The following PDE1C variants were observed in gnomAD, a reference collection of about 807,000 sequenced individuals.
PDE1C encodes the protein phosphodiesterase 1C, also known as dual specificity calcium/calmodulin-dependent 3',5'-cyclic nucleotide phosphodiesterase 1C.
A neutral mutation model predicts 93.1 loss-of-function variants in PDE1C; 62 were observed. The ratio of observed to expected loss-of-function variants is 0.67; its 90% CI spans 0.54 to 0.82. PDE1C has a LOEUF of 0.82. Among genes scored for constraint, PDE1C ranks in the 40% least tolerant of loss-of-function variants. PDE1C has a pLI of 0.00. For synonymous variants in PDE1C, 325 were observed against 310.1 expected, an observed-to-expected ratio of 1.05 and a Z score of -0.50; for missense variants, 742 against 884.6, an observed-to-expected ratio of 0.84 and a Z score of 2.04.
chr7:31,659,911 G>T, the PDE1C span, among the ~76,000 whole-genome samples: 4 of 152,112 alleles, frequency 2.6e-5, no homozygotes, highest in African/African-American at 9.7e-5. Context: ...TTGAATTGTA[G>T]TTCCCATAAT....
At chr7:31,666,173 G>A in the PDE1C span, among the ~76,000 whole-genome samples, 5 of 152,204 alleles carry the variant, frequency 3.3e-5, no homozygotes, top group African/African-American at 1.2e-4. Flanking sequence ...GATGTTAGCT[G>A]TAGAAACCTG....
intron 1 of PDE1C, among the ~76,000 whole-genome samples, chr7:32,408,651 T>A (rs900955079): frequency 3.0e-4 from 45 of 152,110 alleles, no homozygotes; most frequent in African/African-American, 1.1e-3. Context: ...TAGCCAGGCA[T>A]GGTAGTGGGT....
chr7:32,402,545 G>GC (rs1444455264), intron 1 of PDE1C, among the ~76,000 whole-genome samples: 2 of 152,088 alleles, frequency 1.3e-5, no homozygotes, highest in Non-Finnish European at 2.9e-5. Context: ...ACTGGACGAT[G>GC]CCCACCCACA....
At chr7:31,704,863 G>T in the PDE1C span, among the ~76,000 whole-genome samples, 1 of 152,082 alleles carries the variant, frequency 6.6e-6, no homozygotes, top group Admixed American at 6.6e-5. Context: ...AAGCATGAGG[G>T]TCAGAAGGAG....
the PDE1C span, chr7:31,652,110 A>T: frequency 8.4e-7 from 1 of 1,186,162 alleles, no homozygotes; most frequent in Non-Finnish European, 1.2e-6. Flanking sequence ...GAGGTGCATT[A>T]AATGAGAAAC....
chr7:31,635,401 C>G, the PDE1C span, among the ~76,000 whole-genome samples: 2 of 152,170 alleles, frequency 1.3e-5, no homozygotes, highest in African/African-American at 4.8e-5. Flanking sequence ...AAAACAAACA[C>G]AAGATAAATA....
the PDE1C span, among the ~76,000 whole-genome samples, chr7:31,705,789 G>C: frequency 6.6e-6 from 1 of 151,878 alleles, no homozygotes; most frequent in South Asian, 2.1e-4. Context: ...GCAGTGGTGG[G>C]GAAGCTGGCT....
the PDE1C span, chr7:31,692,585 T>C: frequency 5.8e-3 from 8,745 of 1,499,516 alleles, 416 homozygotes; most frequent in African/African-American, 0.1. Context: ...GTCTCAGCCA[T>C]TTGGTTTGCA....
At chr7:31,965,426 C>T (rs1225706850) in intron 2 of PDE1C, among the ~76,000 whole-genome samples, 2 of 151,514 alleles carry the variant, frequency 1.3e-5, no homozygotes, top group Non-Finnish European at 2.9e-5. Context: ...CAAAAAGAAA[C>T]AAACAAAGCC....
At chr7:32,208,766 G>A (rs10807858) in intron 2 of PDE1C, among the ~76,000 whole-genome samples, 1 of 152,036 alleles carries the variant, frequency 6.6e-6, no homozygotes, top group African/African-American at 2.4e-5. Flanking sequence ...ATTAACTTGC[G>A]GGATAATTTG....
At chr7:32,115,164 C>T (rs781564707) in intron 3 of PDE1C, among the ~76,000 whole-genome samples, 31 of 152,172 alleles carry the variant, frequency 2.0e-4, no homozygotes, top group South Asian at 2.1e-4. Context: ...AACACGCCCA[C>T]GTATGTTTAT....
chr7:32,334,323 C>T (rs1030950460), intron 1 of PDE1C, among the ~76,000 whole-genome samples: 1 of 152,052 alleles, frequency 6.6e-6, no homozygotes, highest in Non-Finnish European at 1.5e-5. Flanking sequence ...TATTTTTTAA[C>T]ATAATTCCAC....
rs140932442 is a variant in PDE1C at position 31,828,751 on chromosome 7, G to A, written c.1204-378C>T. ...AACCTGTGGCCATTGTTTAGCTAAT[G>A]AACTCCTCCCAGATGTGGGCAGTGT... On this transcript the variant is annotated intron_variant, in intron 11 of 17. Coordinates refer to ENST00000396191, the MANE Select transcript of PDE1C (RefSeq NM_001191057.4). Among the ~76,000 whole-genome samples, 7 of 152,246 alleles carry A rather than the reference G, an allele frequency of 4.6e-5. No individual in the cohort carries two copies. The East Asian group carries it at 1.4e-3, about 29-fold the overall frequency.
intron 1 of PDE1C, among the ~76,000 whole-genome samples, chr7:32,063,127 T>C (rs1398201258): frequency 6.6e-6 from 1 of 152,188 alleles, no homozygotes; most frequent in Non-Finnish European, 1.5e-5. Context: ...GTTGCATTTG[T>C]TGTAGAATTC....
intron 2 of PDE1C, among the ~76,000 whole-genome samples, chr7:32,040,491 T>C (rs1389717707): frequency 6.6e-6 from 1 of 152,130 alleles, no homozygotes; most frequent in African/African-American, 2.4e-5. Flanking sequence ...AATACCCTCG[T>C]AGGGCCAAAT....
upstream of PDE1C, chr7:32,071,465 T>A: frequency 1.0e-6 from 1 of 968,342 alleles, no homozygotes; most frequent in Non-Finnish European, 1.2e-6. Context: ...GCGCTCTCTC[T>A]CCTCCCTCAT....
chr7:32,092,932 C>T (rs1224259243), intron 3 of PDE1C, among the ~76,000 whole-genome samples: 1 of 152,126 alleles, frequency 6.6e-6, no homozygotes, highest in Non-Finnish European at 1.5e-5. Flanking sequence ...CAAAGTGATC[C>T]ACTAGTCAGT....
chr7:32,322,445 A>T (rs1478107765), intron 1 of PDE1C, among the ~76,000 whole-genome samples: 1 of 152,050 alleles, frequency 6.6e-6, no homozygotes, highest in Non-Finnish European at 1.5e-5. Context: ...CTACACACGT[A>T]AAAAAGAAGT....
At chr7:32,161,062 T>C (rs989068253) in intron 3 of PDE1C, among the ~76,000 whole-genome samples, 3 of 152,146 alleles carry the variant, frequency 2.0e-5, no homozygotes, top group East Asian at 1.9e-4. Flanking sequence ...ATCCTTTTCA[T>C]AGGAGGTTCG....
Sources: allele counts gnomAD v4.1 joint callset (sites outside exome capture counted in the v4.1 genomes callset), GRCh38; gene constraint gnomAD v4.1.1; transcripts MANE v1.5; gene names NCBI Gene and HGNC (gene_info 2026-07-23, HGNC 2026-07-21).